Variants in CSNK1D observed in about 807,000 individuals in gnomAD.
CSNK1D encodes casein kinase I isoform delta.
In CSNK1D, 16 loss-of-function variants were observed where a neutral mutation model predicts 46.6. That is an observed-to-expected ratio of 0.34 (90% CI 0.23 to 0.52). The LOEUF (loss-of-function observed/expected upper bound fraction) is 0.52, where lower values mean the gene tolerates loss of function less well. Among genes scored for constraint, CSNK1D ranks in the 20% least tolerant of loss-of-function variants. The pLI is 0.95. For missense variants in CSNK1D, 398 were observed against 578.4 expected, an observed-to-expected ratio of 0.69 and a Z score of 3.20; for synonymous variants, 276 against 228.2, an observed-to-expected ratio of 1.21 and a Z score of -1.89.
At chr17:82,265,380 C>T (rs60426077) in intron 2 of CSNK1D, 6 of 384,812 alleles carry the variant, frequency 1.6e-5, no homozygotes, top group South Asian at 1.1e-4. Context: ...GGTTTCACTA[C>T]GTTGGCCAGG....
Position 82,249,148 on chromosome 17 carries a change from A to G in CSNK1D, c.1058-134T>C. On this transcript the variant is annotated intron_variant, in intron 7 of 8. Transcript: ENST00000314028. The surrounding 1 kb of genome is among the most constrained non-coding windows in gnomAD (Gnocchi z 6.7). ...CAGGACCTGGCTGTGGCCGATGGCC[A>G]CCAACACTCAGATCCGGCCGGAGGG... 1 of 1,121,642 alleles carries G rather than the reference A, an allele frequency of 8.9e-7. No individual in the cohort carries two copies. Among genetic ancestry groups the G allele is most frequent in the Non-Finnish European group, 1.3e-6 (1 of 796,138 alleles). 69.5% of individuals were successfully genotyped at this position (1,121,642 alleles called of 1,614,324 possible).
Position 82,273,491 on chromosome 17 carries a change from C to T in CSNK1D, c.-110G>A. The T allele has an allele frequency of 7.8e-7, 1 of 1,280,782 alleles. No homozygotes were observed. Among genetic ancestry groups the T allele is most frequent in the Non-Finnish European group, 1.1e-6 (1 of 914,948 alleles). The allele number at this position is 1,280,782 out of a possible 1,614,324, so 79.3% of individuals were successfully genotyped here. A position where few individuals can be genotyped will look rare whatever the true frequency, so the allele number is the denominator to read the frequency against. The stretch of plus-strand genomic sequence containing the variant: ...TGCGGGTCCGGCTCCCGGCTCCGCC[C>T]CCCTCACGGCCCCGCTTTCACCATC... On this transcript the variant is annotated 5_prime_UTR_variant, in exon 1 of 9. Coordinates refer to ENST00000314028, the MANE Select transcript of CSNK1D (RefSeq NM_001893.6). The surrounding 1 kb of genome is among the most constrained non-coding windows in gnomAD (Gnocchi z 5.1).
At chr17:82,270,057 T>A (rs1436669147) in intron 1 of CSNK1D, among the ~76,000 whole-genome samples, 2 of 152,234 alleles carry the variant, frequency 1.3e-5, no homozygotes, top group East Asian at 3.8e-4. Flanking sequence ...CAGGTGTGTG[T>A]GGGCTGTGTC....
At position 82,251,507 on chromosome 17, in the gene CSNK1D, T is replaced by C; in HGVS notation, c.757A>G (p.Asn253Asp). The change falls in exon 6 of 9, where the codon AAT becomes GAT. Residue 253 changes from asparagine (N) to aspartate (D), a missense_variant. Transcript: ENST00000314028. The surrounding 1 kb of genome is among the most constrained non-coding windows in gnomAD (Gnocchi z 4.5). ...GYPSEFATYLNFCRSLRFDDK... is the reference protein window; with the variant it reads ...GYPSEFATYLDFCRSLRFDDK... ...TCAAAACGCAAGGAACGGCAGAAAT[T>C]CAGGTATGTGGCAAATTCGGCTACA... 1 of 1,613,962 alleles carries C rather than the reference T, an allele frequency of 6.2e-7. No individual in the cohort carries two copies. Among genetic ancestry groups the C allele is most frequent in the Non-Finnish European group, 8.5e-7 (1 of 1,179,994 alleles).
intron 1 of CSNK1D, among the ~76,000 whole-genome samples, chr17:82,271,554 G>C (rs1261069687): frequency 6.6e-6 from 1 of 152,178 alleles, no homozygotes; most frequent in Admixed American, 6.5e-5. Context: ...TGACCACCTG[G>C]TATAAATGTT....
At chr17:82,254,390 G>T (rs1238353369) in intron 3 of CSNK1D, 4 of 266,220 alleles carry the variant, frequency 1.5e-5, no homozygotes, top group Admixed American at 6.5e-5. Flanking sequence ...CAGCTGAGCC[G>T]CCGGGGCCTC....
intron 1 of CSNK1D, among the ~76,000 whole-genome samples, chr17:82,267,429 G>A (rs949039158): frequency 2.0e-5 from 3 of 152,168 alleles, no homozygotes; most frequent in African/African-American, 7.2e-5. Flanking sequence ...CGTCTGCCCA[G>A]ATGGCGGCAT....
chr17:82,263,582 C>T (rs986486820), intron 2 of CSNK1D, among the ~76,000 whole-genome samples: 4 of 152,228 alleles, frequency 2.6e-5, no homozygotes, highest in African/African-American at 4.8e-5. Context: ...AAGTCCTGTC[C>T]GGAACCACGT....
At chr17:82,269,424 C>T (rs1358345005) in intron 1 of CSNK1D, among the ~76,000 whole-genome samples, 1 of 152,192 alleles carries the variant, frequency 6.6e-6, no homozygotes, top group Non-Finnish European at 1.5e-5. Context: ...TCGCTCTCCT[C>T]TCATGGCTGG....
chr17:82,243,058 AC>A lies in CSNK1D; in HGVS notation c.*1722del. The stretch of plus-strand genomic sequence containing the variant: ...AAATCTCTTAACTCGGCTCTGACCC[AC>A]CCCAACCTCCCTCTGTACTTCAACA... On this transcript the variant is annotated 3_prime_UTR_variant, in exon 9 of 9. Transcript: ENST00000314028. 1.0e-6 allele frequency: 1 copy of A among 985,372 alleles called. No individual in the cohort carries two copies. The highest frequency in any genetic ancestry group is 1.2e-6 in the Non-Finnish European group (1 of 829,928). 61.0% of individuals were successfully genotyped at this position (985,372 alleles called of 1,614,324 possible).
intron 1 of CSNK1D, among the ~76,000 whole-genome samples, chr17:82,270,905 G>A (rs933017657): frequency 5.9e-5 from 9 of 152,306 alleles, no homozygotes; most frequent in Middle Eastern, 3.4e-3. Context: ...TATGCCCAGC[G>A]CGAGGTGAGG....
At position 82,265,747 on chromosome 17, in the gene CSNK1D, G is replaced by T; in HGVS notation, c.126C>A (p.Val42=). ...TGTGGAGCTGAGGGTGTTTGGTTTTGACACATTCAAGCTTGATGGCAACCT... is the reference window on the plus strand; with the variant it reads ...TGTGGAGCTGAGGGTGTTTGGTTTTTACACATTCAAGCTTGATGGCAACCT... ...GEEVAIKLEC[V]KTKHPQLHIE... is the part of the protein sequence containing the mutation. Residue 42 remains valine (V), a synonymous_variant, in exon 2 of 9, where the codon GTC becomes GTA. Transcript: ENST00000314028. The T allele has an allele frequency of 6.2e-7, 1 of 1,614,168 alleles. No individual in the cohort carries two copies. The highest frequency in any genetic ancestry group is 1.1e-5 in the South Asian group (1 of 91,066).
downstream of CSNK1D, among the ~76,000 whole-genome samples, chr17:82,240,380 AT>A (rs1189128132): frequency 3.9e-5 from 6 of 152,176 alleles, no homozygotes; most frequent in African/African-American, 1.4e-4. Context: ...CAGAGGACAC[AT>A]GGCCTTCCCC....
rs894457754 is a variant in CSNK1D, at chr17:82,250,192, A to G, written c.886-590T>C. ...CCGAGACAGCAACCTATGAAAAAGCAGATTCTAACTGCCAATGCTGTGCGG... is the reference window on the plus strand; with the variant it reads ...CCGAGACAGCAACCTATGAAAAAGCGGATTCTAACTGCCAATGCTGTGCGG... On this transcript the variant is annotated intron_variant, in intron 6 of 8. Coordinates refer to ENST00000314028, the MANE Select transcript of CSNK1D (RefSeq NM_001893.6). This position sits in a 1 kb window ranked among gnomAD's most constrained non-coding sequence, Gnocchi z 4.6. 7.0e-6 allele frequency: 9 copies of G among 1,289,796 alleles called. No homozygotes were observed. The highest frequency in any genetic ancestry group is 9.1e-6 in the Non-Finnish European group (9 of 988,912). 79.9% of individuals were successfully genotyped at this position (1,289,796 alleles called of 1,614,324 possible).
rs923406671 is a variant in CSNK1D, at chr17:82,244,776, A to C, written c.*5T>G. On this transcript the variant is annotated 3_prime_UTR_variant, in exon 9 of 9. Coordinates refer to ENST00000314028, the MANE Select transcript of CSNK1D (RefSeq NM_001893.6). ...GTCTGCCCTTCACAGCAATAAGGAGAGTTCTCATCGGTGCACGACAGACTG... is the reference window on the plus strand; with the variant it reads ...GTCTGCCCTTCACAGCAATAAGGAGCGTTCTCATCGGTGCACGACAGACTG... 17 of 1,613,880 alleles carry C rather than the reference A, an allele frequency of 1.1e-5. No homozygotes were observed. The Admixed American group carries it at 1.3e-4, about 13-fold the overall frequency.
At position 82,255,465 on chromosome 17, in the gene CSNK1D, G is replaced by A. The variant is rs1027056874; in HGVS notation, c.300C>T (p.Phe100=). The A allele has an allele frequency of 6.2e-6, 10 of 1,614,096 alleles. No homozygotes were observed. Among genetic ancestry groups the A allele is most frequent in the Non-Finnish European group, 7.6e-6 (9 of 1,180,044 alleles). The change falls in exon 3 of 9, where the codon TTC becomes TTT. Residue 100 remains phenylalanine, a synonymous_variant. Transcript: ENST00000314028. The surrounding 1 kb of genome is among the most constrained non-coding windows in gnomAD (Gnocchi z 5.9). ...CAAGCAGCAGGACGGTTTTGAGGCT[G>A]AATTTCCTGGAGCAGAAGTTGAAGA... is the stretch of plus-strand genomic sequence containing the variant. The part of the protein sequence containing the change: ...EDLFNFCSRK[F]SLKTVLLLAD...
In CSNK1D at chr17:82,253,137, G is replaced by A. The variant is rs145619785; in HGVS notation, c.444C>T (p.Ile148=). 2.2e-5 allele frequency: 36 copies of A among 1,614,090 alleles called. No individual in the cohort carries two copies. Among genetic ancestry groups the A allele is most frequent in the South Asian group, 3.3e-5 (3 of 91,088 alleles). ...GGTACTTCTTGGCCAGCCCGAAGTC[G>A]ATGATGTACACCAGGTTGCCCTTCT... The part of the protein sequence containing the change: ...LGKKGNLVYI[I]DFGLAKKYRD... Residue 148 remains isoleucine, a synonymous_variant, in exon 4 of 9, where the codon ATC becomes ATT. Transcript: ENST00000314028.
At chr17:82,253,377 C>T (rs1040052719) in intron 3 of CSNK1D, 133 bp from the exon 4 acceptor site, 33 of 812,802 alleles carry the variant, frequency 4.1e-5, no homozygotes, top group African/African-American at 2.0e-4. Flanking sequence ...TAACAATTAG[C>T]GAGGGGGATG....
chr17:82,260,374 G>C (rs890048515), intron 2 of CSNK1D, among the ~76,000 whole-genome samples: 4 of 149,532 alleles, frequency 2.7e-5, no homozygotes, highest in Admixed American at 6.6e-5. Flanking sequence ...ACGGACTGAT[G>C]TGACTGATGG....
Sources: gnomAD v4.1 joint callset for allele counts (sites outside exome capture counted in the v4.1 genomes callset) on GRCh38, gnomAD v4.1.1 for gene constraint, Gnocchi (gnomAD v3.1) non-coding constraint, MANE v1.5 for transcripts, NCBI Gene and HGNC (gene_info 2026-07-23, HGNC 2026-07-21) for gene names.